The following PCDHGC5 variants were observed in gnomAD, a reference collection of about 807,000 sequenced individuals.
The protein encoded by PCDHGC5 is protocadherin gamma subfamily C, 5, also known as protocadherin gamma-C5.
PCDHGC5 carries 25 observed loss-of-function variants against 59.0 expected under a neutral mutation model. That is an observed-to-expected ratio of 0.42 (90% CI 0.31 to 0.59). PCDHGC5 has a LOEUF of 0.59. Among genes scored for constraint, PCDHGC5 ranks in the 20% least tolerant of loss-of-function variants. The probability of loss-of-function intolerance (pLI) is 0.13; values close to 1 mark genes in which losing one functional copy is unlikely to be tolerated. For missense variants in PCDHGC5, 1,067 were observed against 1,206.4 expected, an observed-to-expected ratio of 0.88 and a Z score of 1.71; for synonymous variants, 434 against 505.5, an observed-to-expected ratio of 0.86 and a Z score of 1.90.
rs138070043 is a variant in PCDHGC5, at chr5:141,512,950, AAAT to A, written c.*1783_*1785del. 5,271 of 152,332 alleles carry A rather than the reference AAAT, an allele frequency of 0.035. 119 individuals carry two copies. The highest frequency in any genetic ancestry group is 0.075 in the South Asian group (360 of 4,826). The allele number at this position is 152,332 out of a possible 1,614,324, so 9.4% of individuals were successfully genotyped here. On this transcript the variant is annotated 3_prime_UTR_variant, in exon 4 of 4. Coordinates refer to ENST00000252087, the MANE Select transcript of PCDHGC5 (RefSeq NM_018929.3). ...ATATGGCTTTTTTTCTTCGACAAAA[AAAT>A]AATAAAACGTTTCTTCTGAAAAGCT...
intron 3 of PCDHGC5, chr5:141,508,415 A>T (rs2099868684): frequency 6.6e-6 from 1 of 152,158 alleles, no homozygotes; most frequent in Non-Finnish European, 1.5e-5. Context: ...CCACGCAGAG[A>T]CTTGACCAAG....
At chr5:141,496,373 C>T (rs1315450867) in intron 2 of PCDHGC5, among the ~76,000 whole-genome samples, 2 of 152,216 alleles carry the variant, frequency 1.3e-5, no homozygotes. Flanking sequence ...GAAGCAGGAG[C>T]TTGGGCCACC....
At chr5:141,504,594 C>T (rs2099839378) in intron 2 of PCDHGC5, among the ~76,000 whole-genome samples, 2 of 140,288 alleles carry the variant, frequency 1.4e-5, no homozygotes, top group South Asian at 4.4e-4. Context: ...GGATTCACAG[C>T]AAGAGGGAAC....
In PCDHGC5 at chr5:141,490,692, G is replaced by C. The variant is rs751109998; in HGVS notation, c.1452G>C (p.Gly484=). 16 of 1,614,154 alleles carry C rather than the reference G, an allele frequency of 9.9e-6. 1 individual carries two copies. The Middle Eastern group carries it at 6.6e-4, about 67-fold the overall frequency. ...TGGCTGCCTCAGATCCAGACACTGG[G>C]GATAATGCCCGCCTCACCTACTCCA... ...CTVAASDPDT[G]DNARLTYSIV... The change falls in exon 1 of 4, where the codon GGG becomes GGC. Residue 484 remains glycine (G), a synonymous_variant. Transcript: ENST00000252087. This position sits in a 1 kb window ranked among gnomAD's most constrained non-coding sequence, Gnocchi z 5.4.
chr5:141,511,007 G>A lies in PCDHGC5; in HGVS notation c.2669G>A (p.Arg890His), dbSNP rs780918754. The change falls in exon 4 of 4, where the codon CGC becomes CAC. Residue 890 changes from arginine to histidine, a missense_variant. Physicochemically the swap from Arg to His is conservative, Grantham distance 29 (BLOSUM62 0). Transcript: ENST00000252087. ...GCCGGCACCATGGGATTGAGCGCCC[G>A]CTACGGACCCCAGTTCACCCTGCAG... is the stretch of plus-strand genomic sequence containing the variant. ...GGAGTMGLSA[R>H]YGPQFTLQHV... 1.9e-6 allele frequency: 3 copies of A among 1,614,158 alleles called. No individual in the cohort carries two copies. Among genetic ancestry groups the A allele is most frequent in the East Asian group, 4.5e-5 (2 of 44,890 alleles).
rs2154581798 is a variant in PCDHGC5, at chr5:141,489,799, G to T, written c.559G>T (p.Asp187Tyr). 1 of 1,614,192 alleles carries T rather than the reference G, an allele frequency of 6.2e-7. No homozygotes were observed. The highest frequency in any genetic ancestry group is 2.2e-5 in the East Asian group (1 of 44,884). Residue 187 changes from aspartate to tyrosine, a missense_variant, in exon 1 of 4, where the codon GAT becomes TAT. Coordinates refer to ENST00000252087, the MANE Select transcript of PCDHGC5 (RefSeq NM_018929.3). The surrounding 1 kb of genome is among the most constrained non-coding windows in gnomAD (Gnocchi z 4.5). The part of the protein sequence containing the change: ...HFSLNVKTLK[D>Y]GKPFPELVLE... Reference sequence around the variant, plus strand: ...CTCTCTGAATGTGAAGACCCTAAAAGATGGGAAGCCATTCCCAGAGCTGGT... The same window carrying T: ...CTCTCTGAATGTGAAGACCCTAAAATATGGGAAGCCATTCCCAGAGCTGGT...
intron 2 of PCDHGC5, among the ~76,000 whole-genome samples, chr5:141,498,451 T>C (rs1426888821): frequency 6.6e-6 from 1 of 152,126 alleles, no homozygotes; most frequent in Non-Finnish European, 1.5e-5. Context: ...AGGTTCCTTT[T>C]ATCCAGTCTA....
Position 141,491,420 on chromosome 5 carries a change from G to A in PCDHGC5, c.2180G>A (p.Gly727Glu), listed in dbSNP as rs2099713954. 1.2e-6 allele frequency: 2 copies of A among 1,614,004 alleles called. No homozygotes were observed. The highest frequency in any genetic ancestry group is 2.2e-5 in the South Asian group (2 of 91,090). Residue 727 changes from glycine to glutamate, a missense_variant, in exon 1 of 4, where the codon GGA becomes GAA. Gly to Glu is a moderately conservative substitution (Grantham distance 98). Transcript: ENST00000252087. This position sits in a 1 kb window ranked among gnomAD's most constrained non-coding sequence, Gnocchi z 6.9. ...GGAAACGCAGACGGGGACGGGGGTG[G>A]AGGGCAGTGCTGCAGGCGCCAGGAC... The part of the protein sequence containing the change: ...LQGNADGDGG[G>E]GQCCRRQDSP...
Position 141,493,685 on chromosome 5 carries a change from G to A in PCDHGC5, c.2461-1122G>A, listed in dbSNP as rs139973755. ...CCATGGCAGCCCCAGAATGGTGCTG[G>A]TGACTCCCGATACACCTGGAATGCT... On this transcript the variant is annotated intron_variant, in intron 1 of 3. Transcript: ENST00000252087. The surrounding 1 kb of genome is among the most constrained non-coding windows in gnomAD (Gnocchi z 4.3). 1.1e-3 allele frequency among the ~76,000 whole-genome samples: 165 copies of A among 152,282 alleles called. 3 individuals carry two copies. The highest frequency in any genetic ancestry group is 8.2e-3 in the Admixed American group (125 of 15,298).
At chr5:141,496,178 C>T (rs1481326898) in intron 2 of PCDHGC5, among the ~76,000 whole-genome samples, 2 of 152,080 alleles carry the variant, frequency 1.3e-5, no homozygotes, top group Admixed American at 1.3e-4. Flanking sequence ...CCCATCCAAG[C>T]AGCCCCAGCT....
chr5:141,506,280 C>CT (rs1455257972), intron 3 of PCDHGC5, among the ~76,000 whole-genome samples: 1 of 152,024 alleles, frequency 6.6e-6, no homozygotes, highest in Non-Finnish European at 1.5e-5. Flanking sequence ...GAAACCCTGT[C>CT]TCTACTAAAA....
rs2099883762 is a variant in PCDHGC5, at chr5:141,511,396, C to T, written c.*223C>T. 9.8e-7 allele frequency: 1 copy of T among 1,016,834 alleles called. No homozygotes were observed. Among genetic ancestry groups the T allele is most frequent in the South Asian group, 1.7e-5 (1 of 58,996 alleles). The allele number at this position is 1,016,834 out of a possible 1,614,324, so 63.0% of individuals were successfully genotyped here. ...AAGCAGTTCCGCTGGGAACCCCCAT[C>T]CAATCAACTGCTGTACCCATGGGGG... On this transcript the variant is annotated 3_prime_UTR_variant, in exon 4 of 4. Coordinates refer to ENST00000252087, the MANE Select transcript of PCDHGC5 (RefSeq NM_018929.3).
At position 141,511,140 on chromosome 5, in the gene PCDHGC5, C is replaced by G. The variant is rs1405623579; in HGVS notation, c.2802C>G (p.Asn934Lys). Residue 934 changes from asparagine (N) to lysine (K), a missense_variant, in exon 4 of 4, where the codon AAC becomes AAG. Physicochemically the swap from Asn to Lys is moderately conservative, Grantham distance 94. Transcript: ENST00000252087. ...AGGCCCCAGCAGGTGGCAATGGCAACAAGAAGAAGTCGGGCAAGAAGGAGA... is the reference window on the plus strand; with the variant it reads ...AGGCCCCAGCAGGTGGCAATGGCAAGAAGAAGAAGTCGGGCAAGAAGGAGA... Reference protein sequence around the residue: ...DGKAPAGGNGNKKKSGKKEKK With the variant: ...DGKAPAGGNGKKKKSGKKEKK 2.5e-6 allele frequency: 4 copies of G among 1,614,068 alleles called. No homozygotes were observed. Among genetic ancestry groups the G allele is most frequent in the Admixed American group, 1.7e-5 (1 of 60,008 alleles).
rs769249726 is a variant in PCDHGC5 at position 141,490,832 on chromosome 5, A to C, written c.1592A>C (p.Gln531Pro). The change falls in exon 1 of 4, where the codon CAG (glutamine) becomes CCG (proline). Residue 531 changes from glutamine to proline, a missense_variant. Transcript: ENST00000252087. This position sits in a 1 kb window ranked among gnomAD's most constrained non-coding sequence, Gnocchi z 5.4. ...TFDYELLQML[Q>P]IVVGVRDSGS... Reference sequence around the variant, plus strand: ...GACTATGAATTGCTGCAGATGCTGCAGATTGTGGTGGGGGTTCGAGACTCC... The same window carrying C: ...GACTATGAATTGCTGCAGATGCTGCCGATTGTGGTGGGGGTTCGAGACTCC... 1.5e-5 allele frequency: 25 copies of C among 1,613,796 alleles called. No individual in the cohort carries two copies. In the South Asian group the frequency reaches 2.6e-4, roughly 17 times the overall value.
In PCDHGC5 at chr5:141,511,532, T is replaced by G. The variant is rs548369303; in HGVS notation, c.*359T>G. Reference sequence around the variant, plus strand: ...GCCCATCCATCCCATGCCTCCCTCCTCCCCACCCCACTCCAACAGTTCCTC... The same window carrying G: ...GCCCATCCATCCCATGCCTCCCTCCGCCCCACCCCACTCCAACAGTTCCTC... On this transcript the variant is annotated 3_prime_UTR_variant, in exon 4 of 4. Transcript: ENST00000252087. 3.6e-5 allele frequency: 12 copies of G among 335,506 alleles called. No homozygotes were observed. In the East Asian group the frequency reaches 8.0e-4, roughly 22 times the overall value. The allele number at this position is 335,506 out of a possible 1,614,324, so 20.8% of individuals were successfully genotyped here. A position where few individuals can be genotyped will look rare whatever the true frequency, so the allele number is the denominator to read the frequency against.
At chr5:141,500,045 T>C (rs2099796072) in intron 2 of PCDHGC5, among the ~76,000 whole-genome samples, 1 of 152,062 alleles carries the variant, frequency 6.6e-6, no homozygotes, top group South Asian at 2.1e-4. Flanking sequence ...CTTAAGTATC[T>C]TAATGCTCTT....
chr5:141,494,929 GGA>G, intron 2 of PCDHGC5, 64 bp downstream of exon 2: 1 of 1,613,142 alleles, frequency 6.2e-7, no homozygotes, highest in Non-Finnish European at 8.5e-7. Flanking sequence ...TGACGTGGGA[GGA>G]GATGGGGGAG....
chr5:141,494,762 A>G (rs770570158), intron 1 of PCDHGC5, 45 bp from the exon 2 acceptor site: 1 of 1,613,200 alleles, frequency 6.2e-7, no homozygotes, highest in South Asian at 1.1e-5. Flanking sequence ...TGACATTCTA[A>G]CTTCTCACGG....
rs773232677 is a variant in PCDHGC5, at chr5:141,490,388, G to A, written c.1148G>A (p.Gly383Asp). 2 of 1,614,206 alleles carry A rather than the reference G, an allele frequency of 1.2e-6. No homozygotes were observed. The highest frequency in any genetic ancestry group is 2.2e-5 in the East Asian group (1 of 44,878). The stretch of plus-strand genomic sequence containing the variant: ...CGAGACCGGGACTCAGGTAGAAATG[G>A]TGAAGTGAGCCTTGATATCTCTCCG... ...NVRDRDSGRN[G>D]EVSLDISPDL... The change falls in exon 1 of 4, where the codon GGT becomes GAT. Residue 383 changes from glycine to aspartate, a missense_variant. Transcript: ENST00000252087. The surrounding 1 kb of genome is among the most constrained non-coding windows in gnomAD (Gnocchi z 5.4).
Sources: allele counts gnomAD v4.1 joint callset (sites outside exome capture counted in the v4.1 genomes callset), GRCh38; gene constraint gnomAD v4.1.1; non-coding constraint Gnocchi (gnomAD v3.1); transcripts MANE v1.5; gene names NCBI Gene and HGNC (gene_info 2026-07-23, HGNC 2026-07-21).